The following AJAP1 variants were observed in gnomAD, a reference collection of about 807,000 sequenced individuals.
AJAP1 encodes the protein adherens junctions associated protein 1.
In AJAP1, 5 loss-of-function variants were observed where a neutral mutation model predicts 35.0. That is an observed-to-expected ratio of 0.14 (90% CI 0.07 to 0.30). The LOEUF is 0.30. Among genes scored for constraint, AJAP1 ranks in the 10% least tolerant of loss-of-function variants. The pLI is 1.00. For missense variants in AJAP1, 586 were observed against 571.0 expected, an observed-to-expected ratio of 1.03 and a Z score of -0.27; for synonymous variants, 284 against 249.3, an observed-to-expected ratio of 1.14 and a Z score of -1.31.
intron 1 of AJAP1, among the ~76,000 whole-genome samples, chr1:4,667,544 C>G (rs1479738138): frequency 2.0e-5 from 3 of 152,188 alleles, no homozygotes; most frequent in Non-Finnish European, 2.9e-5. Context: ...AGTGCACAAC[C>G]TAGATCCCTC....
chr1:4,779,437 C>G (rs1009646565), intron 5 of AJAP1, among the ~76,000 whole-genome samples: 1 of 151,688 alleles, frequency 6.6e-6, no homozygotes, highest in African/African-American at 2.4e-5. Flanking sequence ...CACCTTCACA[C>G]GGGAGACTTT....
chr1:4,708,950 C>G (rs1035395456), intron 1 of AJAP1, among the ~76,000 whole-genome samples: 42 of 152,292 alleles, frequency 2.8e-4, no homozygotes, highest in African/African-American at 9.6e-4. Context: ...AGAGGAAAAA[C>G]AAATCGACCT....
intron 1 of AJAP1, among the ~76,000 whole-genome samples, chr1:4,675,335 C>A (rs551514836): frequency 6.6e-6 from 1 of 152,234 alleles, no homozygotes; most frequent in African/African-American, 2.4e-5. Flanking sequence ...AGGGAAGACA[C>A]GCGTGGGGCA....
At chr1:4,735,322 C>T (rs1408632391) in intron 2 of AJAP1, among the ~76,000 whole-genome samples, 5 of 152,188 alleles carry the variant, frequency 3.3e-5, no homozygotes, top group Admixed American at 2.0e-4. Flanking sequence ...CCCTGGAATT[C>T]CAGCCTGGAG....
rs1414254056 is a variant in AJAP1, at chr1:4,786,344, C to T, written c.*3859C>T. 6.6e-6 allele frequency: 1 copy of T among 152,166 alleles called. No individual in the cohort carries two copies. The highest frequency in any genetic ancestry group is 1.9e-4 in the East Asian group (1 of 5,176). 9.4% of individuals were successfully genotyped at this position (152,166 alleles called of 1,614,324 possible). A position where few individuals can be genotyped will look rare whatever the true frequency, so the allele number is the denominator to read the frequency against. ...TACATTCAGCTCCCAGAAATTCACT[C>T]CAGTCCTTCCTGGAGCATTGTGAAA... On this transcript the variant is annotated 3_prime_UTR_variant, in exon 6 of 6. Transcript: ENST00000378191.
intron 2 of AJAP1, among the ~76,000 whole-genome samples, chr1:4,758,853 G>A (rs956562973): frequency 1.3e-5 from 2 of 152,176 alleles, no homozygotes; most frequent in African/African-American, 2.4e-5. Flanking sequence ...TCAGGGCTGA[G>A]TCCCAGACGC....
chr1:4,761,368 T>C (rs181559354), intron 2 of AJAP1, among the ~76,000 whole-genome samples: 10 of 152,306 alleles, frequency 6.6e-5, no homozygotes, highest in Admixed American at 3.3e-4. Context: ...ACACTCTGTG[T>C]TCTCTAGTTC....
intron 2 of AJAP1, among the ~76,000 whole-genome samples, chr1:4,756,276 A>G (rs796221256): frequency 2.0e-5 from 3 of 152,332 alleles, no homozygotes; most frequent in African/African-American, 7.2e-5. Flanking sequence ...TGCCGAAAGC[A>G]GCTCAGGGAG....
At chr1:4,665,056 T>A (rs1235707278) in intron 1 of AJAP1, among the ~76,000 whole-genome samples, 1 of 151,638 alleles carries the variant, frequency 6.6e-6, no homozygotes, top group Non-Finnish European at 1.5e-5. Context: ...TGTGGTAAAA[T>A]GCGGAAAAAG....
intron 1 of AJAP1, among the ~76,000 whole-genome samples, chr1:4,666,504 C>CAG (rs1226989005): frequency 6.7e-6 from 1 of 150,316 alleles, no homozygotes; most frequent in African/African-American, 2.5e-5. Flanking sequence ...GCCCGTGACT[C>CAG]ACAGGAGGGG....
At chr1:4,762,392 G>A (rs1012941057) in intron 2 of AJAP1, among the ~76,000 whole-genome samples, 3 of 152,214 alleles carry the variant, frequency 2.0e-5, no homozygotes, top group African/African-American at 4.8e-5. Context: ...AACTAGGGCC[G>A]TGGGGTATTG....
At position 4,741,667 on chromosome 1, in the gene AJAP1, C is replaced by T. The variant is rs1387443273; in HGVS notation, c.830-28186C>T. ...TTCATACATACATTTCTTGGCTCTC[C>T]AATTAAGAGGCGCTAGGCAGTGATG... On this transcript the variant is annotated intron_variant, in intron 2 of 5. Coordinates refer to ENST00000378191, the MANE Select transcript of AJAP1 (RefSeq NM_018836.4). Among the ~76,000 whole-genome samples, 3 of 152,138 alleles carry T rather than the reference C, an allele frequency of 2.0e-5. No homozygotes were observed. In the East Asian group the frequency reaches 5.8e-4, roughly 29 times the overall value.
chr1:4,713,652 T>C (rs888757365), intron 2 of AJAP1, among the ~76,000 whole-genome samples: 3 of 152,242 alleles, frequency 2.0e-5, no homozygotes, highest in Non-Finnish European at 4.4e-5. Flanking sequence ...CAGTTTTCTC[T>C]GCCTCTGTTA....
At chr1:4,682,756 G>C (rs1041382451) in intron 1 of AJAP1, among the ~76,000 whole-genome samples, 1 of 152,176 alleles carries the variant, frequency 6.6e-6, no homozygotes, top group Non-Finnish European at 1.5e-5. Flanking sequence ...TGGTGGTGGT[G>C]ATGATGGTGA....
rs1642199032 is a variant in AJAP1, at chr1:4,788,258, C to G, written c.*5773C>G. The G allele has an allele frequency of 6.3e-6, 1 of 159,070 alleles. No individual in the cohort carries two copies. Among genetic ancestry groups the G allele is most frequent in the African/African-American group, 2.4e-5 (1 of 41,492 alleles). 9.9% of individuals were successfully genotyped at this position (159,070 alleles called of 1,614,324 possible). A position where few individuals can be genotyped will look rare whatever the true frequency, so the allele number is the denominator to read the frequency against. Reference sequence around the variant, plus strand: ...GCTACCAGCCCTTCCTTCCAAAGAGCATGAAGCATGGCTCTGTGTGGTTTT... The same window carrying G: ...GCTACCAGCCCTTCCTTCCAAAGAGGATGAAGCATGGCTCTGTGTGGTTTT... On this transcript the variant is annotated 3_prime_UTR_variant, in exon 6 of 6. Coordinates refer to ENST00000378191, the MANE Select transcript of AJAP1 (RefSeq NM_018836.4).
chr1:4,723,405 G>A lies in AJAP1; in HGVS notation c.829+10706G>A, dbSNP rs1640569571. Among the ~76,000 whole-genome samples, 1 of 152,194 alleles carries A rather than the reference G, an allele frequency of 6.6e-6. No individual in the cohort carries two copies. Among genetic ancestry groups the A allele is most frequent in the Non-Finnish European group, 1.5e-5 (1 of 68,040 alleles). ...TGTGGAAGGTCTGGAAGGCCATGGA[G>A]ACAGTGGGGACCACTTGGACAGAGC... On this transcript the variant is annotated intron_variant, in intron 2 of 5. Transcript: ENST00000378191. The surrounding 1 kb of genome is among the most constrained non-coding windows in gnomAD (Gnocchi z 4.3).
chr1:4,737,231 G>A (rs1570174331), intron 2 of AJAP1, among the ~76,000 whole-genome samples: 1 of 152,094 alleles, frequency 6.6e-6, no homozygotes, highest in East Asian at 1.9e-4. Context: ...AGGAGGCTGG[G>A]GCAGAGCAGA....
At chr1:4,757,109 A>G (rs1299698227) in intron 2 of AJAP1, among the ~76,000 whole-genome samples, 2 of 152,202 alleles carry the variant, frequency 1.3e-5, no homozygotes, top group East Asian at 1.9e-4. Context: ...GGAGGATTTC[A>G]TGTGGCTCCT....
intron 2 of AJAP1, among the ~76,000 whole-genome samples, chr1:4,757,252 T>A (rs1641453721): frequency 6.6e-6 from 1 of 152,200 alleles, no homozygotes; most frequent in Non-Finnish European, 1.5e-5. Context: ...TGCCTTGAAA[T>A]GCCACAAACA....
Sources: allele counts gnomAD v4.1 joint callset (sites outside exome capture counted in the v4.1 genomes callset), GRCh38; gene constraint gnomAD v4.1.1; non-coding constraint Gnocchi (gnomAD v3.1); transcripts MANE v1.5; gene names NCBI Gene and HGNC (gene_info 2026-07-23, HGNC 2026-07-21).